Variants in SIPA1L3 observed in about 807,000 individuals in gnomAD.
SIPA1L3 encodes signal-induced proliferation-associated 1-like protein 3.
In SIPA1L3, 59 loss-of-function variants were observed where a neutral mutation model predicts 150.1. The ratio of observed to expected loss-of-function variants is 0.39; its 90% CI spans 0.32 to 0.49. The LOEUF is 0.49. Ranked by LOEUF, SIPA1L3 falls within the 20% of genes least tolerant of loss-of-function variation. SIPA1L3 has a pLI of 0.86. For synonymous variants in SIPA1L3, 1,070 were observed against 1,077.6 expected (o/e 0.99, Z 0.14); for missense variants, 2,211 against 2,489.5 (o/e 0.89, Z 2.38).
chr19:37,985,420 G>A (rs540727105), intron 1 of SIPA1L3, among the ~76,000 whole-genome samples: 220 of 152,144 alleles, frequency 1.4e-3, no homozygotes, highest in African/African-American at 4.6e-3. Flanking sequence ...TCCAGCTACC[G>A]GGGAGGCTGA....
chr19:38,196,046 A>G (rs866391720), intron 18 of SIPA1L3, among the ~76,000 whole-genome samples: 1 of 152,034 alleles, frequency 6.6e-6, no homozygotes, highest in Non-Finnish European at 1.5e-5. Flanking sequence ...AGCTGGGGAG[A>G]GTCCCGTCTG....
At chr19:38,189,817 G>A (rs557128203) in intron 16 of SIPA1L3, among the ~76,000 whole-genome samples, 5 of 152,274 alleles carry the variant, frequency 3.3e-5, no homozygotes, top group African/African-American at 7.2e-5. Flanking sequence ...TATTAGAAAC[G>A]AGAGTTTGGT....
At chr19:37,922,909 A>G (rs1181402739) in intron 1 of SIPA1L3, among the ~76,000 whole-genome samples, 1 of 150,382 alleles carries the variant, frequency 6.6e-6, no homozygotes, top group South Asian at 2.2e-4. Context: ...CAGGAGGATC[A>G]TGAGGTCAGG....
chr19:38,206,995 G>A lies in SIPA1L3; in HGVS notation c.*755G>A, dbSNP rs980666381. The A allele has an allele frequency of 6.6e-6, 1 of 152,208 alleles. No homozygotes were observed. Among genetic ancestry groups the A allele is most frequent in the African/African-American group, 2.4e-5 (1 of 41,424 alleles). 9.4% of individuals were successfully genotyped at this position (152,208 alleles called of 1,614,324 possible). ...TTCTATCAGCTCCTCTTCCGCCAGAGGCCACTGCACCTGGGCTAGGGGTCC... is the reference window on the plus strand; with the variant it reads ...TTCTATCAGCTCCTCTTCCGCCAGAAGCCACTGCACCTGGGCTAGGGGTCC... On this transcript the variant is annotated 3_prime_UTR_variant, in exon 22 of 22. Coordinates refer to ENST00000222345, the MANE Select transcript of SIPA1L3 (RefSeq NM_015073.3).
At chr19:37,946,138 A>G (rs1487204393) in intron 1 of SIPA1L3, among the ~76,000 whole-genome samples, 1 of 151,714 alleles carries the variant, frequency 6.6e-6, no homozygotes, top group Non-Finnish European at 1.5e-5. Context: ...CTGGGGGACA[A>G]CAGCGAGACT....
At chr19:37,995,165 C>G (rs930332068) in intron 1 of SIPA1L3, among the ~76,000 whole-genome samples, 1 of 152,098 alleles carries the variant, frequency 6.6e-6, no homozygotes, top group Non-Finnish European at 1.5e-5. Flanking sequence ...CTTTACATTC[C>G]ATTGGCCATA....
intron 6 of SIPA1L3, among the ~76,000 whole-genome samples, chr19:38,102,259 T>C (rs2569417): frequency 0.13 from 18,722 of 143,894 alleles, 1,429 homozygotes; most frequent in African/African-American, 0.16. Context: ...ATTGGCCAGG[T>C]TGGTCTTGAA....
At chr19:38,110,187 C>T in intron 7 of SIPA1L3, 40 bp from the exon 8 acceptor site, 2 of 1,605,230 alleles carry the variant, frequency 1.2e-6, no homozygotes, top group Non-Finnish European at 1.7e-6. Context: ...TCAGGCCGAC[C>T]TGTGACAGGT....
At chr19:38,197,329 A>T (rs1972982386) in intron 18 of SIPA1L3, among the ~76,000 whole-genome samples, 1 of 152,056 alleles carries the variant, frequency 6.6e-6, no homozygotes, top group Non-Finnish European at 1.5e-5. Flanking sequence ...GGAGTCACAG[A>T]GCCCCAGGCC....
chr19:38,135,224 C>A (rs531587176), intron 10 of SIPA1L3, among the ~76,000 whole-genome samples: 1 of 152,300 alleles, frequency 6.6e-6, no homozygotes, highest in South Asian at 2.1e-4. Context: ...TCTCTCTCCA[C>A]TTGGTGGGGG....
In SIPA1L3 at chr19:38,204,172, G is replaced by A; in HGVS notation, c.5166G>A (p.Glu1722=). 6.4e-7 allele frequency: 1 copy of A among 1,559,680 alleles called. No individual in the cohort carries two copies. Among genetic ancestry groups the A allele is most frequent in the Non-Finnish European group, 8.7e-7 (1 of 1,150,902 alleles). ...LDLTGKVYQL[E]VMLKQLHTDL... is the part of the protein sequence containing the mutation. ...TGACAGGCAAGGTGTACCAGCTGGAGGTGATGCTGAAACAGCTGCACACTG... is the reference window on the plus strand; with the variant it reads ...TGACAGGCAAGGTGTACCAGCTGGAAGTGATGCTGAAACAGCTGCACACTG... The change falls in exon 21 of 22, where the codon GAG becomes GAA. Residue 1722 remains glutamate (E), a synonymous_variant. Transcript: ENST00000222345.
At chr19:37,986,698 TGTTTACAAC>T (rs1967359556) in intron 1 of SIPA1L3, among the ~76,000 whole-genome samples, 1 of 152,212 alleles carries the variant, frequency 6.6e-6, no homozygotes, top group South Asian at 2.1e-4. Flanking sequence ...AGGTGGGCAC[TGTTTACAAC>T]GTGCCCGTGC....
intron 8 of SIPA1L3, among the ~76,000 whole-genome samples, chr19:38,111,343 G>A (rs553673013): frequency 3.3e-5 from 5 of 152,136 alleles, no homozygotes; most frequent in Admixed American, 1.3e-4. Flanking sequence ...AGATCTTTTC[G>A]TACCTGTACA....
chr19:38,059,251 T>G (rs1255445023), intron 2 of SIPA1L3, among the ~76,000 whole-genome samples: 1 of 150,352 alleles, frequency 6.7e-6, no homozygotes, highest in Admixed American at 6.6e-5. Context: ...GCTCACTGCC[T>G]CAGCCTCCCA....
intron 2 of SIPA1L3, among the ~76,000 whole-genome samples, chr19:38,078,580 GCA>G (rs760869744): frequency 1.4e-5 from 2 of 145,986 alleles, no homozygotes; most frequent in African/African-American, 5.1e-5. Context: ...ACAGAGACAC[GCA>G]CACACACACA....
chr19:38,132,168 A>G (rs1408404911), intron 10 of SIPA1L3, among the ~76,000 whole-genome samples: 1 of 152,076 alleles, frequency 6.6e-6, no homozygotes, highest in African/African-American at 2.4e-5. Context: ...GAGCCTAGGA[A>G]GTTGAGGCTG....
chr19:38,198,247 T>C, intron 18 of SIPA1L3, 142 bp from the exon 19 acceptor site: 1 of 981,408 alleles, frequency 1.0e-6, no homozygotes. Flanking sequence ...CTCTGTAGGC[T>C]CCAGCACTCC....
intron 13 of SIPA1L3, among the ~76,000 whole-genome samples, chr19:38,154,237 T>C (rs945076694): frequency 1.3e-5 from 2 of 152,216 alleles, no homozygotes; most frequent in African/African-American, 4.8e-5. Flanking sequence ...ATCTGAGTGG[T>C]ATCCCCCGTT....
chr19:38,115,618 C>T (rs561678520), intron 8 of SIPA1L3, among the ~76,000 whole-genome samples: 1 of 152,198 alleles, frequency 6.6e-6, no homozygotes, highest in Non-Finnish European at 1.5e-5. Context: ...CATGCCCACC[C>T]TGGCCTTCCC....
Sources: allele counts gnomAD v4.1 joint callset (sites outside exome capture counted in the v4.1 genomes callset), GRCh38; gene constraint gnomAD v4.1.1; transcripts MANE v1.5; gene names NCBI Gene and HGNC (gene_info 2026-07-23, HGNC 2026-07-21).